The following PBX1 variants were observed in gnomAD, a reference collection of about 807,000 sequenced individuals.
PBX1 encodes the protein pre-B-cell leukemia transcription factor 1.
A neutral mutation model predicts 53.4 loss-of-function variants in PBX1; 6 were observed. That is an observed-to-expected ratio of 0.11 (90% CI 0.06 to 0.22). PBX1 has a LOEUF of 0.22. PBX1 is among the 10% of genes least tolerant of loss of function. The pLI is 1.00. For missense variants in PBX1, 251 were observed against 551.4 expected (o/e 0.46, Z 5.46); for synonymous variants, 204 against 212.3 (o/e 0.96, Z 0.34).
rs1557977417 is a variant in PBX1, at chr1:164,739,768, TG to T, written c.266-52725del. Among the ~76,000 whole-genome samples, 62 of 151,380 alleles carry T rather than the reference TG, an allele frequency of 4.1e-4. No individual in the cohort carries two copies. In the Middle Eastern group the frequency reaches 0.02, roughly 50 times the overall value. On this transcript the variant is annotated intron_variant, in intron 2 of 8. Coordinates refer to ENST00000420696, the MANE Select transcript of PBX1 (RefSeq NM_002585.4). ...GTGGTTGTGCATGTGTGTGTGTGTGTGTGTGTGTGTGTGTGTGTGTGTATGT... is the reference window on the plus strand; with the variant it reads ...GTGGTTGTGCATGTGTGTGTGTGTGTTGTGTGTGTGTGTGTGTGTGTATGT...
At chr1:164,843,877 A>C (rs540405550) in intron 8 of PBX1, among the ~76,000 whole-genome samples, 2 of 152,236 alleles carry the variant, frequency 1.3e-5, no homozygotes, top group Admixed American at 6.5e-5. Context: ...TTAATGAAAC[A>C]CCACAGAACT....
At chr1:164,878,232 A>G (rs1025387591) in intron 2 of PBX1, among the ~76,000 whole-genome samples, 2 of 152,228 alleles carry the variant, frequency 1.3e-5, no homozygotes, top group African/African-American at 4.8e-5. Flanking sequence ...AATTAAAACT[A>G]CATTATAGGG....
intron 8 of PBX1, among the ~76,000 whole-genome samples, chr1:164,826,201 G>A (rs532047533): frequency 1.3e-5 from 2 of 152,248 alleles, no homozygotes; most frequent in South Asian, 2.1e-4. Context: ...AGACTAAATT[G>A]TAGATCATCC....
At chr1:164,750,145 G>GGTGTGTGTGTGTGTGTGT (rs10665357) in intron 2 of PBX1, among the ~76,000 whole-genome samples, 15 of 140,846 alleles carry the variant, frequency 1.1e-4, no homozygotes, top group African/African-American at 3.7e-4. Context: ...GGGGCTAGTT[G>GGTGTGTGTGTGTGTGTGT]GTGTGTGTGT....
chr1:164,607,634 A>G (rs1356219579), intron 2 of PBX1, among the ~76,000 whole-genome samples: 1 of 152,184 alleles, frequency 6.6e-6, no homozygotes, highest in African/African-American at 2.4e-5. Flanking sequence ...ATTTGGATAT[A>G]ATCAGTGTGT....
At chr1:164,794,746 A>G (rs915682129) in intron 3 of PBX1, among the ~76,000 whole-genome samples, 4 of 152,198 alleles carry the variant, frequency 2.6e-5, no homozygotes, top group African/African-American at 4.8e-5. Flanking sequence ...TTATTACCCA[A>G]TGTTCTTCCT....
At chr1:164,776,386 T>TC (rs1390394015) in intron 2 of PBX1, among the ~76,000 whole-genome samples, 4 of 152,138 alleles carry the variant, frequency 2.6e-5, no homozygotes, top group African/African-American at 7.2e-5. Flanking sequence ...CTGTGGCATG[T>TC]GATTTAGAAG....
chr1:164,694,541 C>T (rs1662694806), intron 2 of PBX1, among the ~76,000 whole-genome samples: 1 of 152,172 alleles, frequency 6.6e-6, no homozygotes, highest in Non-Finnish European at 1.5e-5. Flanking sequence ...TTCAGATCTA[C>T]ACATATAACT....
At chr1:164,768,128 G>A (rs953188295) in intron 2 of PBX1, among the ~76,000 whole-genome samples, 6 of 151,978 alleles carry the variant, frequency 3.9e-5, no homozygotes, top group African/African-American at 1.2e-4. Context: ...TGAAAAGGGA[G>A]TAAAAAAAAC....
intron 8 of PBX1, among the ~76,000 whole-genome samples, chr1:164,827,936 C>T (rs1670548518): frequency 6.6e-6 from 1 of 152,126 alleles, no homozygotes; most frequent in African/African-American, 2.4e-5. Context: ...GTACATTTTC[C>T]CTTTTAGTCT....
chr1:164,698,829 C>T (rs1156497869), intron 2 of PBX1, among the ~76,000 whole-genome samples: 1 of 152,204 alleles, frequency 6.6e-6, no homozygotes, highest in Non-Finnish European at 1.5e-5. Context: ...AGCATTCACT[C>T]AGGTAATCCT....
intron 2 of PBX1, among the ~76,000 whole-genome samples, chr1:164,774,999 C>G (rs1667573927): frequency 6.6e-6 from 1 of 152,214 alleles, no homozygotes; most frequent in African/African-American, 2.4e-5. Flanking sequence ...GTGTGTGCTT[C>G]ATGCCTAGCA....
intron 2 of PBX1, chr1:164,682,067 T>C (rs1661806976): frequency 6.6e-6 from 1 of 152,234 alleles, no homozygotes; most frequent in Admixed American, 6.5e-5. Flanking sequence ...TATTAATATG[T>C]CTTGTTAAAA....
chr1:164,568,866 T>A lies in PBX1; in HGVS notation c.265+5555T>A, dbSNP rs190711784. On this transcript the variant is annotated intron_variant, in intron 2 of 8. Transcript: ENST00000420696. ...AAAAAGGTGCAGGAATAGATTGTCA[T>A]AAGATTATAACACCTATCCCCCATG... 3.9e-3 allele frequency among the ~76,000 whole-genome samples: 597 copies of A among 152,364 alleles called. 4 individuals are homozygous for A. The highest frequency in any genetic ancestry group is 0.014 in the Middle Eastern group (4 of 294).
In PBX1 at chr1:164,848,307, C is replaced by G; in HGVS notation, c.*1631C>G. The G allele has an allele frequency of 2.8e-6, 3 of 1,057,078 alleles. No individual in the cohort carries two copies. The highest frequency in any genetic ancestry group is 3.4e-6 in the Non-Finnish European group (3 of 874,236). The allele number at this position is 1,057,078 out of a possible 1,614,324, so 65.5% of individuals were successfully genotyped here. On this transcript the variant is annotated 3_prime_UTR_variant, in exon 9 of 9. Coordinates refer to ENST00000420696, the MANE Select transcript of PBX1 (RefSeq NM_002585.4). ...AGTTATAAAGATGGCAGCTCTATCA[C>G]TTGATTAAGTGGGAGGTGGTCAAAT...
rs990125098 is a variant in PBX1 at position 164,844,389 on chromosome 1, CCTAT to C, written c.1201-2187_1201-2184del. On this transcript the variant is annotated intron_variant, in intron 8 of 8. Transcript: ENST00000420696. The stretch of plus-strand genomic sequence containing the variant: ...GCCTGCCTGCCTGTCTGTCTACCTA[CCTAT>C]CTATCTACCTGCCTATCTACCTGTC... 1.8e-4 allele frequency among the ~76,000 whole-genome samples: 27 copies of C among 152,126 alleles called. 1 individual carries two copies. The South Asian group carries it at 3.5e-3, about 20-fold the overall frequency.
chr1:164,849,414 AT>A lies in PBX1; in HGVS notation c.*2740del. The A allele has an allele frequency of 2.0e-6, 3 of 1,535,556 alleles. No homozygotes were observed. ...CGTGGCATCCGTGAGATCTGTCCAC[AT>A]TAGGCGAAGCAGGAGAACACTGAGA... On this transcript the variant is annotated 3_prime_UTR_variant, in exon 9 of 9. Coordinates refer to ENST00000420696, the MANE Select transcript of PBX1 (RefSeq NM_002585.4).
rs140945536 is a variant in PBX1, at chr1:164,822,011, G to A, written c.1200+385G>A. 1.4e-3 allele frequency among the ~76,000 whole-genome samples: 205 copies of A among 149,772 alleles called. No homozygotes were observed. The South Asian group carries it at 0.017, about 13-fold the overall frequency. On this transcript the variant is annotated intron_variant, in intron 8 of 8. Transcript: ENST00000420696. ...AGTAGCCAAAATCCATTGCATCCACGTCTGTGGTCTGAAAAAAAAAATACT... is the reference window on the plus strand; with the variant it reads ...AGTAGCCAAAATCCATTGCATCCACATCTGTGGTCTGAAAAAAAAAATACT...
chr1:164,729,105 A>G (rs553773813), intron 2 of PBX1, among the ~76,000 whole-genome samples: 7 of 152,364 alleles, frequency 4.6e-5, no homozygotes, highest in Admixed American at 4.6e-4. Flanking sequence ...AGCATTTTCA[A>G]GCAGAATTTT....
Sources: allele counts gnomAD v4.1 joint callset (sites outside exome capture counted in the v4.1 genomes callset), GRCh38; gene constraint gnomAD v4.1.1; transcripts MANE v1.5; gene names NCBI Gene and HGNC (gene_info 2026-07-23, HGNC 2026-07-21).